The following TARBP2 variants were observed in gnomAD, a reference collection of about 807,000 sequenced individuals.
TARBP2 encodes the protein TARBP2 subunit of RISC loading complex.
In TARBP2, 23 loss-of-function variants were observed where a neutral mutation model predicts 40.4. The observed-to-expected ratio is 0.57, with a 90% CI of 0.41 to 0.81. The LOEUF is 0.81. Ranked by LOEUF, TARBP2 falls within the 30% of genes least tolerant of loss-of-function variation. The pLI is 0.00. For synonymous variants in TARBP2, 183 were observed against 190.5 expected (o/e 0.96, Z 0.32); for missense variants, 358 against 473.7 (o/e 0.76, Z 2.27).
chr12:53,505,569 TCTC>T lies in TARBP2; in HGVS notation c.742-77_742-75del. On this transcript the variant is annotated intron_variant, in intron 7 of 8. Transcript: ENST00000266987. The surrounding 1 kb of genome is among the most constrained non-coding windows in gnomAD (Gnocchi z 4.5). ...GGAGGAAGCATTCTTTGTGCTTTGT[TCTC>T]CTTTGACGTTGAATGTCTCAATGCC... is the stretch of plus-strand genomic sequence containing the variant. The T allele has an allele frequency of 1.4e-6, 2 of 1,409,762 alleles. No individual in the cohort carries two copies. Among genetic ancestry groups the T allele is most frequent in the South Asian group, 1.2e-5 (1 of 83,908 alleles). 87.3% of individuals were successfully genotyped at this position (1,409,762 alleles called of 1,614,324 possible).
In TARBP2 at chr12:53,501,291, C is replaced by G. The variant is rs1242961505; in HGVS notation, c.-118C>G. The G allele has an allele frequency of 4.4e-6, 5 of 1,146,940 alleles. No individual in the cohort carries two copies. The highest frequency in any genetic ancestry group is 2.6e-5 in the East Asian group (1 of 38,740). The allele number at this position is 1,146,940 out of a possible 1,614,324, so 71.0% of individuals were successfully genotyped here. On this transcript the variant is annotated 5_prime_UTR_variant, in exon 1 of 9. Transcript: ENST00000266987. ...GGGGGACTCCATATCCCAGCGTGCC[C>G]CGCGGCGGGCCCTACCGGCCGCGAC...
chr12:53,501,285 C>G lies in TARBP2; in HGVS notation c.-124C>G, dbSNP rs1943687726. The G allele has an allele frequency of 5.8e-6, 6 of 1,029,892 alleles. No homozygotes were observed. Among genetic ancestry groups the G allele is most frequent in the Non-Finnish European group, 7.2e-6 (5 of 696,182 alleles). 63.8% of individuals were successfully genotyped at this position (1,029,892 alleles called of 1,614,324 possible). A position where few individuals can be genotyped will look rare whatever the true frequency, so the allele number is the denominator to read the frequency against. On this transcript the variant is annotated 5_prime_UTR_variant, in exon 1 of 9. Coordinates refer to ENST00000266987, the MANE Select transcript of TARBP2 (RefSeq NM_134323.2). Reference sequence around the variant, plus strand: ...GTGGGCGGGGGACTCCATATCCCAGCGTGCCCCGCGGCGGGCCCTACCGGC... The same window carrying G: ...GTGGGCGGGGGACTCCATATCCCAGGGTGCCCCGCGGCGGGCCCTACCGGC...
At position 53,503,749 on chromosome 12, in the gene TARBP2, C is replaced by A. The variant is rs1412536394; in HGVS notation, c.363C>A (p.Asp121Glu). 6 of 1,614,194 alleles carry A rather than the reference C, an allele frequency of 3.7e-6. No individual in the cohort carries two copies. The highest frequency in any genetic ancestry group is 1.1e-5 in the South Asian group (1 of 91,082). Residue 121 changes from aspartate (D) to glutamate (E), a missense_variant, in exon 4 of 9, where the codon GAC becomes GAA. This residue lies in a region of TARBP2 where 317 missense variants were observed against 422.9 expected (regional missense o/e 0.75). Coordinates refer to ENST00000266987, the MANE Select transcript of TARBP2 (RefSeq NM_134323.2). ...CCCTAGACTCTTCACTGCCTGAGGA[C>A]ATTCCGGTTTTTACTGCTGCAGCAG... ...FSPLDSSLPE[D>E]IPVFTAAAAA...
chr12:53,501,553 G>A (rs2137255127), intron 1 of TARBP2, 92 bp downstream of exon 1: 1 of 1,528,314 alleles, frequency 6.5e-7, no homozygotes, highest in African/African-American at 1.4e-5. Context: ...CCTGGCCTGA[G>A]GGTTGTTCCC....
In TARBP2 at chr12:53,502,201, C is replaced by T. The variant is rs556468228; in HGVS notation, c.223+17C>T. ...GCTGCACTGGTGAGGAAGGCTTGGG[C>T]AGCCTGGCTGGGGTGTGCATTTGCA... On this transcript the variant is annotated intron_variant, in intron 2 of 8. Transcript: ENST00000266987. The T allele has an allele frequency of 6.2e-7, 1 of 1,613,798 alleles. No homozygotes were observed. The highest frequency in any genetic ancestry group is 1.1e-5 in the South Asian group (1 of 91,044).
At chr12:53,503,874 C>A (rs1353250384) in intron 4 of TARBP2, 66 bp downstream of exon 4, 1 of 1,221,912 alleles carries the variant, frequency 8.2e-7, no homozygotes, top group South Asian at 1.2e-5. Context: ...GTCCCTCAGT[C>A]CTTGGACCCA....
In TARBP2 at chr12:53,505,401, A is replaced by G. The variant is rs1943926924; in HGVS notation, c.741+139A>G. On this transcript the variant is annotated intron_variant, in intron 7 of 8. Transcript: ENST00000266987. This position sits in a 1 kb window ranked among gnomAD's most constrained non-coding sequence, Gnocchi z 4.5. ...CTGCCACAGTTTTCCTACCAGACCCAGGGTTCCTGGGGCCGACTCAGCCTT... is the reference window on the plus strand; with the variant it reads ...CTGCCACAGTTTTCCTACCAGACCCGGGGTTCCTGGGGCCGACTCAGCCTT... 1.5e-6 allele frequency: 2 copies of G among 1,372,368 alleles called. No homozygotes were observed. The highest frequency in any genetic ancestry group is 1.9e-6 in the Non-Finnish European group (2 of 1,025,654). 85.0% of individuals were successfully genotyped at this position (1,372,368 alleles called of 1,614,324 possible).
chr12:53,504,307 G>A, intron 4 of TARBP2, 90 bp from the exon 5 acceptor site: 1 of 1,212,156 alleles, frequency 8.2e-7, no homozygotes, highest in Non-Finnish European at 1.1e-6. Flanking sequence ...TGGTAGTCAG[G>A]AATCTAAAGT....
intron 2 of TARBP2, 49 bp from the exon 3 acceptor site, chr12:53,502,978 T>C: frequency 6.6e-7 from 1 of 1,513,066 alleles, no homozygotes; most frequent in South Asian, 1.3e-5. Context: ...GCTGGTTTCT[T>C]TCCCGTCCTT....
At chr12:53,501,942 CTGGTA>C in intron 1 of TARBP2, 68 bp from the exon 2 acceptor site, 2 of 1,580,922 alleles carry the variant, frequency 1.3e-6, no homozygotes, top group Admixed American at 3.5e-5. Context: ...GTGCCTAGGT[CTGGTA>C]TGGAAGTGCT....
In TARBP2 at chr12:53,505,656, G is replaced by T; in HGVS notation, c.749G>T (p.Gly250Val). 6.2e-7 allele frequency: 1 copy of T among 1,613,888 alleles called. No individual in the cohort carries two copies. The highest frequency in any genetic ancestry group is 8.5e-7 in the Non-Finnish European group (1 of 1,179,856). The change falls in exon 8 of 9, where the codon GGC (glycine) becomes GTC (valine). Residue 250 changes from glycine (G) to valine (V), a missense_variant. Gly to Val is a moderately radical substitution (Grantham distance 109, BLOSUM62 -3). This residue lies in a region of TARBP2 where 317 missense variants were observed against 422.9 expected (regional missense o/e 0.75). Coordinates refer to ENST00000266987, the MANE Select transcript of TARBP2 (RefSeq NM_134323.2). This position sits in a 1 kb window ranked among gnomAD's most constrained non-coding sequence, Gnocchi z 4.5. ...CTGTTCCCATCTTGACAGGGTGTGG[G>T]CTCCCGCCTGGATGGTCTTCGAAAC... is the stretch of plus-strand genomic sequence containing the variant. ...PDDDHFSIGVGSRLDGLRNRG... is the reference protein window; with the variant it reads ...PDDDHFSIGVVSRLDGLRNRG...
intron 5 of TARBP2, 80 bp from the exon 6 acceptor site, chr12:53,504,614 TCTGA>T (rs1943882011): frequency 6.2e-7 from 1 of 1,612,674 alleles, no homozygotes; most frequent in Non-Finnish European, 8.5e-7. Flanking sequence ...TCACCTAGAG[TCTGA>T]GGCTCCTGCG....
Position 53,505,630 on chromosome 12 carries a change from A to G in TARBP2, c.742-19A>G. The G allele has an allele frequency of 6.2e-7, 1 of 1,610,308 alleles. No individual in the cohort carries two copies. Among genetic ancestry groups the G allele is most frequent in the Non-Finnish European group, 8.5e-7 (1 of 1,176,800 alleles). On this transcript the variant is annotated intron_variant, in intron 7 of 8. Transcript: ENST00000266987. The surrounding 1 kb of genome is among the most constrained non-coding windows in gnomAD (Gnocchi z 4.5). ...CACAGTCTCTCGCTTCATCTTTCTC[A>G]CTGTTCCCATCTTGACAGGGTGTGG...
intron 4 of TARBP2, 166 bp from the exon 5 acceptor site, chr12:53,504,231 G>A (rs1013807112): frequency 7.0e-5 from 45 of 645,148 alleles, no homozygotes; most frequent in Non-Finnish European, 9.1e-5. Flanking sequence ...GAAGGAAGCC[G>A]GCTAGAGCAG....
At chr12:53,504,063 G>T in intron 4 of TARBP2, 1 of 587,164 alleles carries the variant, frequency 1.7e-6, no homozygotes, top group Non-Finnish European at 3.0e-6. Flanking sequence ...ATTTTCTTCT[G>T]GGTTGACCAC....
At position 53,503,773 on chromosome 12, in the gene TARBP2, AGCT is replaced by A; in HGVS notation, c.391_393del (p.Ala131del). On this transcript the variant is annotated inframe_deletion, in exon 4 of 9. Coordinates refer to ENST00000266987, the MANE Select transcript of TARBP2 (RefSeq NM_134323.2). ...ACATTCCGGTTTTTACTGCTGCAGC[AGCT>A]GCTACCCCAGTTCCATCTGTAGTCC... is the stretch of plus-strand genomic sequence containing the variant. The A allele has an allele frequency of 6.2e-7, 1 of 1,614,168 alleles. No individual in the cohort carries two copies. The highest frequency in any genetic ancestry group is 8.5e-7 in the Non-Finnish European group (1 of 1,180,034).
chr12:53,502,216 G>A (rs1196738812), intron 2 of TARBP2, 32 bp downstream of exon 2: 1 of 1,611,930 alleles, frequency 6.2e-7, no homozygotes, highest in Admixed American at 1.7e-5. Flanking sequence ...TGGCTGGGGT[G>A]TGCATTTGCA....
chr12:53,506,182 G>A lies in TARBP2; in HGVS notation c.*34G>A. On this transcript the variant is annotated 3_prime_UTR_variant, in exon 9 of 9. Coordinates refer to ENST00000266987, the MANE Select transcript of TARBP2 (RefSeq NM_134323.2). ...CTGGACTCATGGATGTGCACCCTTTGCTCCCTGCTCTTTCTGCCTCTGGGC... is the reference window on the plus strand; with the variant it reads ...CTGGACTCATGGATGTGCACCCTTTACTCCCTGCTCTTTCTGCCTCTGGGC... The A allele has an allele frequency of 1.2e-6, 2 of 1,601,450 alleles. No homozygotes were observed.
intron 2 of TARBP2, 42 bp from the exon 3 acceptor site, chr12:53,502,985 C>A: frequency 6.6e-7 from 1 of 1,520,942 alleles, no homozygotes; most frequent in South Asian, 1.2e-5. Flanking sequence ...TCTTTCCCGT[C>A]CTTTCAGTGA....
Sources: gnomAD v4.1 joint callset for allele counts on GRCh38, gnomAD v4.1.1 for gene constraint, gnomAD v4.1.1 regional missense constraint, Gnocchi (gnomAD v3.1) non-coding constraint, MANE v1.5 for transcripts, NCBI Gene and HGNC (gene_info 2026-07-23, HGNC 2026-07-21) for gene names.